The following ADAM9 variants were observed in gnomAD, a reference collection of about 807,000 sequenced individuals.
ADAM9 encodes ADAM metallopeptidase domain 9.
In ADAM9, 54 loss-of-function variants were observed where a neutral mutation model predicts 108.1. The observed-to-expected ratio is 0.50, with a 90% CI of 0.40 to 0.63. ADAM9 has a LOEUF of 0.63. ADAM9 is among the 20% of genes least tolerant of loss of function. The pLI is 0.00. For missense variants in ADAM9, 830 were observed against 997.7 expected (o/e 0.83, Z 2.26); for synonymous variants, 316 against 336.0 (o/e 0.94, Z 0.65).
At chr8:39,068,743 A>G (rs1170417002) in intron 14 of ADAM9, among the ~76,000 whole-genome samples, 1 of 146,420 alleles carries the variant, frequency 6.8e-6, no homozygotes, top group Non-Finnish European at 1.5e-5. Context: ...CTGGGAGGGA[A>G]ACAGGAGGTG....
chr8:39,025,735 C>T lies in ADAM9; in HGVS notation c.915-68C>T. On this transcript the variant is annotated intron_variant, in intron 9 of 21. Transcript: ENST00000487273. ...TTCTCCCAATCCAGTTGAGATTATT[C>T]ATAAAATAAAAGCAATGTGTTCCTT... 10 of 1,434,004 alleles carry T rather than the reference C, an allele frequency of 7.0e-6. No individual in the cohort carries two copies. The South Asian group carries it at 9.2e-5, about 13-fold the overall frequency. The allele number at this position is 1,434,004 out of a possible 1,614,324, so 88.8% of individuals were successfully genotyped here.
intron 3 of ADAM9, 49 bp from the exon 4 acceptor site, chr8:39,013,916 G>A: frequency 7.1e-7 from 1 of 1,417,362 alleles, no homozygotes; most frequent in Non-Finnish European, 1.0e-6. Flanking sequence ...CGTGTCCTTA[G>A]TTGTAGATAG....
chr8:39,021,855 T>G (rs1036458880), intron 8 of ADAM9, 141 bp downstream of exon 8: 2 of 759,174 alleles, frequency 2.6e-6, no homozygotes, highest in African/African-American at 3.5e-5. Context: ...CTTTCTGGTT[T>G]GTTTTGTAAC....
chr8:39,062,658 A>G (rs997918887), intron 14 of ADAM9, among the ~76,000 whole-genome samples: 3 of 152,170 alleles, frequency 2.0e-5, no homozygotes, highest in Non-Finnish European at 4.4e-5. Flanking sequence ...ACACTTTCCT[A>G]TCACCTAGAA....
chr8:39,068,883 C>G (rs1193559563), intron 14 of ADAM9, among the ~76,000 whole-genome samples: 1 of 151,960 alleles, frequency 6.6e-6, no homozygotes, highest in Non-Finnish European at 1.5e-5. Flanking sequence ...GTGTTCTACT[C>G]TCTCCAGAAA....
chr8:38,997,258 T>TG, intron 1 of ADAM9, 98 bp downstream of exon 1: 1 of 1,373,148 alleles, frequency 7.3e-7, no homozygotes. Flanking sequence ...GGGCCCGGCC[T>TG]GGGGATCGGA....
chr8:39,015,968 A>G (rs1564241104), intron 4 of ADAM9, 150 bp from the exon 5 acceptor site: 2 of 715,202 alleles, frequency 2.8e-6, no homozygotes, highest in Non-Finnish European at 2.4e-6. Context: ...AAAGAATGCC[A>G]TGTGATACTG....
chr8:39,085,394 T>G (rs1839153008), intron 18 of ADAM9, among the ~76,000 whole-genome samples: 1 of 152,228 alleles, frequency 6.6e-6, no homozygotes, highest in South Asian at 2.1e-4. Flanking sequence ...GTAGAAAAAG[T>G]CTTTATATTT....
chr8:39,090,359 A>G (rs1220909263), intron 19 of ADAM9, among the ~76,000 whole-genome samples, 171 bp downstream of exon 19: 1 of 151,960 alleles, frequency 6.6e-6, no homozygotes. Context: ...TTTTGTAGAG[A>G]TGGGGTTTCG....
At chr8:39,086,049 C>G (rs1391839511) in intron 18 of ADAM9, among the ~76,000 whole-genome samples, 1 of 151,892 alleles carries the variant, frequency 6.6e-6, no homozygotes, top group African/African-American at 2.4e-5. Context: ...GAGTCTTGCT[C>G]TATCACCCAG....
At chr8:39,079,670 C>T (rs1021916946) in intron 16 of ADAM9, among the ~76,000 whole-genome samples, 15 of 151,554 alleles carry the variant, frequency 9.9e-5, no homozygotes, top group African/African-American at 2.9e-4. Context: ...GTGCAACCTC[C>T]GCCTCCCAGG....
chr8:39,023,620 GA>G (rs1476099306), intron 9 of ADAM9, among the ~76,000 whole-genome samples: 3 of 151,662 alleles, frequency 2.0e-5, no homozygotes, highest in Non-Finnish European at 4.4e-5. Context: ...CTGTGTGTCT[GA>G]AAATATGGTT....
chr8:39,063,027 G>C lies in ADAM9; in HGVS notation c.1591+7255G>C, dbSNP rs540392936. The stretch of plus-strand genomic sequence containing the variant: ...CTGTTAGAGACCTTTCTAACTCCCT[G>C]AATGGCAACATTCAATGCAGACTGT... On this transcript the variant is annotated intron_variant, in intron 14 of 21. Coordinates refer to ENST00000487273, the MANE Select transcript of ADAM9 (RefSeq NM_003816.3). Among the ~76,000 whole-genome samples, 4 of 152,296 alleles carry C rather than the reference G, an allele frequency of 2.6e-5. No individual in the cohort carries two copies. The South Asian group carries it at 6.2e-4, about 24-fold the overall frequency.
intron 11 of ADAM9, among the ~76,000 whole-genome samples, chr8:39,037,263 G>A (rs1336987372): frequency 1.4e-5 from 2 of 146,958 alleles, no homozygotes; most frequent in African/African-American, 2.5e-5. Flanking sequence ...GGGTTTCACC[G>A]TGGTCTCGAT....
At position 39,045,365 on chromosome 8, in the gene ADAM9, TGTGTGTACATACACCTATAG is replaced by T. The variant is rs1435300987; in HGVS notation, c.1302+3255_1302+3274del. On this transcript the variant is annotated intron_variant, in intron 12 of 21. Coordinates refer to ENST00000487273, the MANE Select transcript of ADAM9 (RefSeq NM_003816.3). ...ATACATGTGTGTACATACATATAGG[TGTGTGTACATACACCTATAG>T]GTGTGTGTACACACACCTATATGTG... Among the ~76,000 whole-genome samples, 7 of 108,372 alleles carry T rather than the reference TGTGTGTACATACACCTATAG, an allele frequency of 6.5e-5. No homozygotes were observed. The South Asian group carries it at 9.3e-4, about 14-fold the overall frequency. 71.1% of individuals were successfully genotyped at this position (108,372 alleles called of 152,430 possible).
At chr8:39,033,489 A>T (rs1034588953) in intron 11 of ADAM9, among the ~76,000 whole-genome samples, 3 of 151,344 alleles carry the variant, frequency 2.0e-5, no homozygotes, top group Non-Finnish European at 4.4e-5. Flanking sequence ...TAGCATTGAC[A>T]GTGTGTTTTT....
At chr8:39,009,334 G>T (rs769991788) in intron 2 of ADAM9, among the ~76,000 whole-genome samples, 6 of 152,200 alleles carry the variant, frequency 3.9e-5, no homozygotes, top group African/African-American at 1.2e-4. Context: ...CCGCCTCCTG[G>T]GTTCAAGTGA....
Position 39,077,415 on chromosome 8 carries a change from A to AGGG in ADAM9, c.1881+4_1881+5insGGG. 1 of 1,606,238 alleles carries AGGG rather than the reference A, an allele frequency of 6.2e-7. No individual in the cohort carries two copies. Reference sequence around the variant, plus strand: ...CACAAAATGTGGTGCTGGAAAGGTAATCAAAATATTTTTTATTTACAAAGT... The same window carrying AGGG: ...CACAAAATGTGGTGCTGGAAAGGTAAGGGTCAAAATATTTTTTATTTACAAAGT... On this transcript the variant is annotated splice_donor_region_variant and intron_variant, in intron 16 of 21. Coordinates refer to ENST00000487273, the MANE Select transcript of ADAM9 (RefSeq NM_003816.3).
chr8:39,060,673 A>G (rs1838271162), intron 14 of ADAM9, among the ~76,000 whole-genome samples: 1 of 152,246 alleles, frequency 6.6e-6, no homozygotes, highest in South Asian at 2.1e-4. Context: ...ATATCTTGCC[A>G]GTGACAAGAA....
Sources: allele counts gnomAD v4.1 joint callset (sites outside exome capture counted in the v4.1 genomes callset), GRCh38; gene constraint gnomAD v4.1.1; transcripts MANE v1.5; gene names NCBI Gene and HGNC (gene_info 2026-07-23, HGNC 2026-07-21).